Variants in GLYATL3 observed in about 807,000 individuals in gnomAD.
The protein encoded by GLYATL3 is glycine-N-acyltransferase like 3.
GLYATL3 carries 31 observed loss-of-function variants against 28.5 expected under a neutral mutation model. The ratio of observed to expected loss-of-function variants is 1.09; its 90% CI spans 0.82 to 1.47. The LOEUF (loss-of-function observed/expected upper bound fraction) is 1.47, where lower values mean the gene tolerates loss of function less well. Ranked by LOEUF, GLYATL3 falls within the 40% of genes most tolerant of loss-of-function variation. GLYATL3 has a pLI of 0.00. For missense variants in GLYATL3, 369 were observed against 351.5 expected, an observed-to-expected ratio of 1.05 and a Z score of -0.40; for synonymous variants, 141 against 140.2, an observed-to-expected ratio of 1.01 and a Z score of -0.04.
intron 4 of GLYATL3, among the ~76,000 whole-genome samples, chr6:49,519,983 A>G (rs1423022317): frequency 6.6e-6 from 1 of 152,130 alleles, no homozygotes; most frequent in Non-Finnish European, 1.5e-5. Context: ...AGTCTAATAA[A>G]TGTCCTGAAT....
chr6:49,517,375 T>C, intron 3 of GLYATL3, 55 bp from the exon 4 acceptor site: 1 of 1,431,892 alleles, frequency 7.0e-7, no homozygotes, highest in Non-Finnish European at 9.3e-7. Context: ...CTACCTAAGA[T>C]TTGGATTATC....
chr6:49,521,718 C>T lies in GLYATL3; in HGVS notation c.387C>T (p.Ser129=), dbSNP rs1484503724. 1 of 1,551,308 alleles carries T rather than the reference C, an allele frequency of 6.4e-7. No individual in the cohort carries two copies. The highest frequency in any genetic ancestry group is 2.0e-5 in the Admixed American group (1 of 50,990). The change falls in exon 5 of 6, where the codon TCC becomes TCT. Residue 129 remains serine (S), a synonymous_variant. Coordinates refer to ENST00000371197, the MANE Select transcript of GLYATL3 (RefSeq NM_001010904.2). Reference sequence around the variant, plus strand: ...AGCAGTTGAATATAAAGCTAACTTCCTTCAAGGCTGTTCATTTTTCTCCTG... The same window carrying T: ...AGCAGTTGAATATAAAGCTAACTTCTTTCAAGGCTGTTCATTTTTCTCCTG... The part of the protein sequence containing the change: ...NSKQLNIKLT[S]FKAVHFSPVS...
chr6:49,521,383 G>A (rs1424942700), intron 4 of GLYATL3, among the ~76,000 whole-genome samples: 2 of 152,128 alleles, frequency 1.3e-5, no homozygotes, highest in Non-Finnish European at 2.9e-5. Context: ...AGTCCCGTGA[G>A]ATATTCCCAT....
chr6:49,502,072 C>T (rs565642336), intron 1 of GLYATL3, among the ~76,000 whole-genome samples: 1 of 152,292 alleles, frequency 6.6e-6, no homozygotes, highest in Non-Finnish European at 1.5e-5. Context: ...TTACAATAAT[C>T]AGGAGCATTT....
intron 1 of GLYATL3, among the ~76,000 whole-genome samples, chr6:49,511,624 G>A (rs989999314): frequency 6.6e-6 from 1 of 152,114 alleles, no homozygotes. Context: ...CAGCTTATAG[G>A]TTACTCAGGA....
intron 5 of GLYATL3, among the ~76,000 whole-genome samples, chr6:49,523,073 A>C (rs1036759175): frequency 6.6e-6 from 1 of 152,160 alleles, no homozygotes; most frequent in African/African-American, 2.4e-5. Context: ...CACTATATTG[A>C]CATACAGGAC....
chr6:49,518,331 GA>G (rs1219397090), intron 4 of GLYATL3, among the ~76,000 whole-genome samples: 28 of 152,320 alleles, frequency 1.8e-4, no homozygotes, highest in Middle Eastern at 3.4e-3. Context: ...TGCCAGGAGA[GA>G]AGAAGATTAA....
intron 2 of GLYATL3, among the ~76,000 whole-genome samples, chr6:49,514,249 C>A (rs747822448): frequency 6.6e-6 from 1 of 152,168 alleles, no homozygotes; most frequent in Non-Finnish European, 1.5e-5. Flanking sequence ...TTTAGTTGTG[C>A]CTGTTTTGAA....
intron 2 of GLYATL3, among the ~76,000 whole-genome samples, chr6:49,513,357 T>G (rs1294555423): frequency 2.0e-5 from 3 of 152,168 alleles, no homozygotes; most frequent in Non-Finnish European, 4.4e-5. Context: ...ATTCACCCTT[T>G]GAATAAATAG....
chr6:49,519,940 C>T (rs1013054292), intron 4 of GLYATL3, among the ~76,000 whole-genome samples: 17 of 152,164 alleles, frequency 1.1e-4, no homozygotes, highest in African/African-American at 3.6e-4. Context: ...GTGTACTAAC[C>T]TGAGAGTTTC....
At chr6:49,501,991 A>G (rs1002163174) in intron 1 of GLYATL3, among the ~76,000 whole-genome samples, 3 of 152,216 alleles carry the variant, frequency 2.0e-5, no homozygotes, top group African/African-American at 7.2e-5. Context: ...GAAGCACATC[A>G]CGTGCTATTG....
At chr6:49,525,764 C>T (rs563311426) in intron 5 of GLYATL3, among the ~76,000 whole-genome samples, 1 of 152,104 alleles carries the variant, frequency 6.6e-6, no homozygotes, top group East Asian at 1.9e-4. Context: ...ATGGTCTGCT[C>T]ACTTACCTGC....
intron 2 of GLYATL3, among the ~76,000 whole-genome samples, chr6:49,513,753 G>C (rs1055069939): frequency 3.3e-5 from 5 of 152,068 alleles, no homozygotes; most frequent in Non-Finnish European, 5.9e-5. Context: ...GTCCAGATTG[G>C]GTAATATAGA....
At chr6:49,506,756 A>G (rs1769018229) in intron 1 of GLYATL3, among the ~76,000 whole-genome samples, 1 of 152,176 alleles carries the variant, frequency 6.6e-6, no homozygotes, top group Non-Finnish European at 1.5e-5. Context: ...AATTTAAATT[A>G]AAGCCTCCAA....
rs2127242249 is a variant in GLYATL3 at position 49,526,957 on chromosome 6, T to C, written c.*43T>C. ...GTGGTTTTATTACTTTCCCTGAGCATACACACACTCTTGGCTGCCAACGAG... is the reference window on the plus strand; with the variant it reads ...GTGGTTTTATTACTTTCCCTGAGCACACACACACTCTTGGCTGCCAACGAG... On this transcript the variant is annotated 3_prime_UTR_variant, in exon 6 of 6. Transcript: ENST00000371197. 1 of 1,375,462 alleles carries C rather than the reference T, an allele frequency of 7.3e-7. No individual in the cohort carries two copies. Among genetic ancestry groups the C allele is most frequent in the Middle Eastern group, 1.9e-4 (1 of 5,392 alleles). The allele number at this position is 1,375,462 out of a possible 1,614,324, so 85.2% of individuals were successfully genotyped here.
intron 1 of GLYATL3, among the ~76,000 whole-genome samples, chr6:49,507,657 AAAG>A (rs768029073): frequency 6.6e-6 from 1 of 152,204 alleles, no homozygotes; most frequent in East Asian, 1.9e-4. Flanking sequence ...GCCGAGGAAC[AAAG>A]AAGGCCACCT....
At chr6:49,504,194 A>G (rs1207269466) in intron 1 of GLYATL3, among the ~76,000 whole-genome samples, 1 of 151,128 alleles carries the variant, frequency 6.6e-6, no homozygotes, top group Admixed American at 6.6e-5. Context: ...TGTCTGTTGT[A>G]AAGGAGTTAG....
At position 49,517,501 on chromosome 6, in the gene GLYATL3, A is replaced by C. The variant is rs1191731812; in HGVS notation, c.258A>C (p.Arg86=). ...AVFYKDVRAY[R]QLLEECDVFN... is the part of the protein sequence containing the mutation. ...TCTACAAGGATGTCAGGGCTTATCG[A>C]CAGCTATTGGAAGAATGTGATGTTT... The change falls in exon 4 of 6, where the codon CGA becomes CGC. Residue 86 remains arginine (R), a synonymous_variant. Transcript: ENST00000371197. 1.3e-6 allele frequency: 2 copies of C among 1,550,966 alleles called. No individual in the cohort carries two copies. The highest frequency in any genetic ancestry group is 1.7e-6 in the Non-Finnish European group (2 of 1,146,406).
chr6:49,521,850 T>G (rs990338239), intron 5 of GLYATL3, 79 bp downstream of exon 5: 55 of 1,269,856 alleles, frequency 4.3e-5, no homozygotes, highest in Non-Finnish European at 5.2e-5. Flanking sequence ...GGGTACTTAG[T>G]ATCACTATGG....
Sources: allele counts gnomAD v4.1 joint callset (sites outside exome capture counted in the v4.1 genomes callset), GRCh38; gene constraint gnomAD v4.1.1; transcripts MANE v1.5; gene names NCBI Gene and HGNC (gene_info 2026-07-23, HGNC 2026-07-21).